The following COPB2 variants were observed in gnomAD, a reference collection of about 807,000 sequenced individuals.
COPB2 encodes coat protein complex I subunit beta 2.
A neutral mutation model predicts 120.8 loss-of-function variants in COPB2; 16 were observed. That is an observed-to-expected ratio of 0.13 (90% CI 0.09 to 0.20). COPB2 has a LOEUF of 0.20. Among genes scored for constraint, COPB2 ranks in the 10% least tolerant of loss-of-function variants. The pLI, the probability that COPB2 is intolerant of heterozygous loss-of-function variation, is 1.00. For synonymous variants in COPB2, 332 were observed against 366.3 expected, an observed-to-expected ratio of 0.91 and a Z score of 1.07; for missense variants, 794 against 1,076.5, an observed-to-expected ratio of 0.74 and a Z score of 3.67.
At chr3:139,378,798 A>T (rs1010010771) in intron 4 of COPB2, among the ~76,000 whole-genome samples, 2 of 152,228 alleles carry the variant, frequency 1.3e-5, no homozygotes, top group Non-Finnish European at 2.9e-5. Flanking sequence ...CAGATGTTTA[A>T]ACATCTAGAC....
At chr3:139,370,378 C>A (rs1941601543) in intron 10 of COPB2, among the ~76,000 whole-genome samples, 2 of 152,166 alleles carry the variant, frequency 1.3e-5, no homozygotes, top group Non-Finnish European at 2.9e-5. Flanking sequence ...TTTCACCATG[C>A]AACTCAGAAC....
intron 1 of COPB2, among the ~76,000 whole-genome samples, chr3:139,384,731 T>C (rs1436359088): frequency 6.6e-6 from 1 of 152,236 alleles, no homozygotes. Flanking sequence ...ATCAATGACA[T>C]TCTTAAGTGA....
At chr3:139,373,185 C>T (rs777021429) in intron 9 of COPB2, 28 bp downstream of exon 9, 1 of 1,610,414 alleles carries the variant, frequency 6.2e-7, no homozygotes, top group Admixed American at 1.7e-5. Flanking sequence ...TACACAGAAG[C>T]TGAGGGACAA....
intron 5 of COPB2, among the ~76,000 whole-genome samples, chr3:139,377,120 T>C (rs1941728286): frequency 1.3e-5 from 2 of 152,168 alleles, no homozygotes; most frequent in African/African-American, 4.8e-5. Flanking sequence ...ATTAAGCATC[T>C]AGGTCAGGTA....
chr3:139,371,872 C>A, intron 9 of COPB2, 39 bp from the exon 10 acceptor site: 2 of 1,490,596 alleles, frequency 1.3e-6, no homozygotes, highest in Non-Finnish European at 1.9e-6. Context: ...GTACAGAGGA[C>A]CAAAGACATG....
At chr3:139,365,118 C>T (rs934066274) in intron 15 of COPB2, among the ~76,000 whole-genome samples, 2 of 152,048 alleles carry the variant, frequency 1.3e-5, no homozygotes, top group Non-Finnish European at 2.9e-5. Context: ...CACCATAGAA[C>T]GATTCATGAA....
chr3:139,384,156 T>G (rs1052537713), intron 1 of COPB2, among the ~76,000 whole-genome samples: 2 of 152,256 alleles, frequency 1.3e-5, no homozygotes, highest in African/African-American at 4.8e-5. Context: ...ACCGTATCAA[T>G]AAGCTGTTTA....
rs761404798 is a variant in COPB2, at chr3:139,357,819, TATA to T, written c.*41_*43del. 5 of 1,067,866 alleles carry T rather than the reference TATA, an allele frequency of 4.7e-6. No individual in the cohort carries two copies. The highest frequency in any genetic ancestry group is 6.9e-6 in the Non-Finnish European group (5 of 721,430). The allele number at this position is 1,067,866 out of a possible 1,614,324, so 66.1% of individuals were successfully genotyped here. Reference sequence around the variant, plus strand: ...GTCAGGGTAGCAATCAATACCTATATATAATAATGATCTGTTTAGTCAGGTAAA... The same window carrying T: ...GTCAGGGTAGCAATCAATACCTATATATAATGATCTGTTTAGTCAGGTAAA... On this transcript the variant is annotated 3_prime_UTR_variant, in exon 22 of 22. Transcript: ENST00000333188.
chr3:139,380,894 G>C (rs973875331), intron 2 of COPB2: 62 of 152,146 alleles, frequency 4.1e-4, no homozygotes, highest in African/African-American at 1.5e-3. Context: ...ACAAATCCAG[G>C]GATCTGCTGA....
At chr3:139,368,076 A>G (rs1941551826) in intron 13 of COPB2, 69 bp downstream of exon 13, 10 of 1,486,864 alleles carry the variant, frequency 6.7e-6, no homozygotes, top group African/African-American at 1.4e-5. Flanking sequence ...AAAATCAGTA[A>G]AGTCTGTTGT....
chr3:139,372,962 G>C (rs1049308706), intron 9 of COPB2, among the ~76,000 whole-genome samples: 1 of 152,140 alleles, frequency 6.6e-6, no homozygotes, highest in African/African-American at 2.4e-5. Context: ...CGAAATAACA[G>C]GAAACTACTA....
At chr3:139,361,009 T>C (rs1941409400) in intron 17 of COPB2, 72 bp downstream of exon 17, 1 of 1,521,648 alleles carries the variant, frequency 6.6e-7, no homozygotes, top group East Asian at 2.3e-5. Context: ...CTCTCCAGGG[T>C]TCATTCTTCA....
In COPB2 at chr3:139,373,672, A is replaced by G. The variant is rs1295219799; in HGVS notation, c.888T>C (p.Ile296=). 6.2e-7 allele frequency: 1 copy of G among 1,613,956 alleles called. No individual in the cohort carries two copies. The highest frequency in any genetic ancestry group is 8.5e-7 in the Non-Finnish European group (1 of 1,179,996). The change falls in exon 8 of 22, where the codon ATT becomes ATC. Residue 296 remains isoleucine, a synonymous_variant. Transcript: ENST00000333188. Reference sequence around the variant, plus strand: ...AGAGGGATAGTATAATTACCTTAACAATGATGCTCCCTTCATCATAGCCCA... The same window carrying G: ...AGAGGGATAGTATAATTACCTTAACGATGATGCTCCCTTCATCATAGCCCA... ...VALGYDEGSI[I]VKLGREEPAM... is the part of the protein sequence containing the mutation.
intron 10 of COPB2, among the ~76,000 whole-genome samples, chr3:139,370,056 G>A (rs376994743): frequency 1.3e-5 from 2 of 152,304 alleles, no homozygotes; most frequent in African/African-American, 4.8e-5. Flanking sequence ...TGGGGAATGG[G>A]TGGATGGGGG....
In COPB2 at chr3:139,369,337, C is replaced by G. The variant is rs753373662; in HGVS notation, c.1325G>C (p.Arg442Thr). 1 of 1,613,646 alleles carries G rather than the reference C, an allele frequency of 6.2e-7. No homozygotes were observed. The highest frequency in any genetic ancestry group is 8.5e-7 in the Non-Finnish European group (1 of 1,179,760). Residue 442 changes from arginine (R) to threonine (T), a missense_variant, in exon 12 of 22, where the codon AGA becomes ACA. By Grantham distance (71) the Arg-to-Thr change is moderately conservative (BLOSUM62 -1). Around this residue, in one of 3 missense-constraint regions of COPB2, gnomAD observed 610 missense variants for 866.7 expected, o/e 0.70. Transcript: ENST00000333188. ...ATAGAAGGCTAAGCCATTTACAGAT[C>G]TGACTCCCAATAAGAAGCCGCCGTA... The part of the protein sequence containing the change: ...SIYGGFLLGV[R>T]SVNGLAFYDW...
rs1206694265 is a variant in COPB2 at position 139,366,794 on chromosome 3, C to A, written c.1677-19G>T. 1.2e-6 allele frequency: 2 copies of A among 1,607,064 alleles called. No individual in the cohort carries two copies. ...CATCGTCCTATAAAAGAAACAGAAA[C>A]CAAGTTAGAAATTCAAATCTGCAAT... On this transcript the variant is annotated intron_variant, in intron 14 of 21. Coordinates refer to ENST00000333188, the MANE Select transcript of COPB2 (RefSeq NM_004766.3).
chr3:139,358,796 T>C lies in COPB2; in HGVS notation c.2501A>G (p.Asn834Ser), dbSNP rs1941348898. 1 of 1,612,862 alleles carries C rather than the reference T, an allele frequency of 6.2e-7. No homozygotes were observed. Among genetic ancestry groups the C allele is most frequent in the Non-Finnish European group, 8.5e-7 (1 of 1,178,896 alleles). Residue 834 changes from asparagine to serine, a missense_variant, in exon 20 of 22, where the codon AAT (asparagine) becomes AGT (serine). By Grantham distance (46) the Asn-to-Ser change is conservative. This residue lies in a region of COPB2 where 178 missense variants were observed against 183.2 expected (regional missense o/e 0.97). Transcript: ENST00000333188. ...YPLVTPNEER[N>S]VMEEGKDFQP... is the part of the protein sequence containing the mutation. The stretch of plus-strand genomic sequence containing the variant: ...AAAGTCTTTTCCCTCTTCCATGACA[T>C]TTCTCTCTTCATTTGGCTATCAGAG...
At chr3:139,387,167 C>A (rs1401129013) in intron 1 of COPB2, among the ~76,000 whole-genome samples, 1 of 151,412 alleles carries the variant, frequency 6.6e-6, no homozygotes, top group Non-Finnish European at 1.5e-5. Flanking sequence ...GCCACGATTG[C>A]ACCACTGCAC....
At position 139,375,294 on chromosome 3, in the gene COPB2, T is replaced by A. The variant is rs560144980; in HGVS notation, c.651+174A>T. ...TGGTATTTTATTTTTAAAATCTTGA[T>A]ATGCATTGTTTTCATTTTTATGGAG... On this transcript the variant is annotated intron_variant, in intron 6 of 21. Transcript: ENST00000333188. Among the ~76,000 whole-genome samples the A allele has an allele frequency of 6.6e-5, 10 of 152,362 alleles. No homozygotes were observed. In the South Asian group the frequency reaches 1.2e-3, roughly 19 times the overall value.
Sources: allele counts gnomAD v4.1 joint callset (sites outside exome capture counted in the v4.1 genomes callset), GRCh38; gene constraint gnomAD v4.1.1; regional missense constraint gnomAD v4.1.1; transcripts MANE v1.5; gene names NCBI Gene and HGNC (gene_info 2026-07-23, HGNC 2026-07-21).